Variants in EGFR observed in about 807,000 individuals in gnomAD.
EGFR encodes the protein avian erythroblastic leukemia viral (v-erb-b) oncogene homolog.
In EGFR, 58 loss-of-function variants were observed where a neutral mutation model predicts 143.0. That is an observed-to-expected ratio of 0.41 (90% CI 0.33 to 0.50). The LOEUF (loss-of-function observed/expected upper bound fraction) is 0.50. EGFR is among the 20% of genes least tolerant of loss of function. The pLI, the probability that EGFR is intolerant of heterozygous loss-of-function variation, is 0.39. For missense variants in EGFR, 1,307 were observed against 1,579.0 expected, an observed-to-expected ratio of 0.83 and a Z score of 2.92; for synonymous variants, 613 against 594.4, an observed-to-expected ratio of 1.03 and a Z score of -0.45.
At chr7:55,091,450 G>T (rs532924844) in intron 1 of EGFR, among the ~76,000 whole-genome samples, 2 of 152,300 alleles carry the variant, frequency 1.3e-5, no homozygotes, top group South Asian at 2.1e-4. Flanking sequence ...GGTGGCGGGG[G>T]CCACATCTGG....
At chr7:55,022,386 T>C (rs1169846338) in intron 1 of EGFR, among the ~76,000 whole-genome samples, 1 of 152,090 alleles carries the variant, frequency 6.6e-6, no homozygotes, top group Admixed American at 6.5e-5. Context: ...GGGATATTAA[T>C]GGTATCCAAA....
In EGFR at chr7:55,165,275, T is replaced by G. The variant is rs1476003950; in HGVS notation, c.1723-5T>G. ...GCATGAACATTTTTCTCCACCTTGG[T>G]GCAGGGACCAGACAACTGTATCCAG... On this transcript the variant is annotated splice_polypyrimidine_tract_variant and splice_region_variant and intron_variant, in intron 14 of 27. Transcript: ENST00000275493. 6.2e-7 allele frequency: 1 copy of G among 1,614,018 alleles called. No individual in the cohort carries two copies. Among genetic ancestry groups the G allele is most frequent in the Non-Finnish European group, 8.5e-7 (1 of 1,180,036 alleles).
chr7:55,167,404 G>T (rs1786099502), intron 15 of EGFR, among the ~76,000 whole-genome samples: 2 of 145,666 alleles, frequency 1.4e-5, no homozygotes, highest in African/African-American at 5.2e-5. Context: ...AGTCACAGTG[G>T]TGGTGGTGAT....
chr7:55,058,511 G>A (rs533398911), intron 1 of EGFR, among the ~76,000 whole-genome samples: 5 of 152,234 alleles, frequency 3.3e-5, no homozygotes, highest in Admixed American at 2.6e-4. Flanking sequence ...TATATACCAC[G>A]AAATACTATG....
Position 55,200,521 on chromosome 7 carries a change from A to G in EGFR, c.2946+108A>G, listed in dbSNP as rs546160618. 1.2e-4 allele frequency: 134 copies of G among 1,116,254 alleles called. 1 individual carries two copies. In the African/African-American group the frequency reaches 2.0e-3, roughly 17 times the overall value. The allele number at this position is 1,116,254 out of a possible 1,614,324, so 69.1% of individuals were successfully genotyped here. A position where few individuals can be genotyped will look rare whatever the true frequency, so the allele number is the denominator to read the frequency against. On this transcript the variant is annotated intron_variant, in intron 24 of 27. Transcript: ENST00000275493. ...CTGGCCTCCCTGTGTCCCAGATCGC[A>G]TTATTAAACCCTCCAGCGCATTAGA...
chr7:55,130,327 G>A (rs994675177), intron 1 of EGFR, among the ~76,000 whole-genome samples: 1 of 152,226 alleles, frequency 6.6e-6, no homozygotes, highest in Non-Finnish European at 1.5e-5. Flanking sequence ...AGAAACAGGA[G>A]TGCGGCCCTA....
At chr7:55,163,038 C>G (rs113517731) in intron 13 of EGFR, among the ~76,000 whole-genome samples, 1 of 152,146 alleles carries the variant, frequency 6.6e-6, no homozygotes, top group South Asian at 2.1e-4. Context: ...GTGATCTGCC[C>G]GCCTCGGCCT....
intron 22 of EGFR, 28 bp from the exon 23 acceptor site, chr7:55,198,689 G>A (rs759515685): frequency 6.2e-7 from 1 of 1,614,072 alleles, no homozygotes. Flanking sequence ...TGATCCCACT[G>A]CCTTCTTTTC....
At position 55,205,562 on chromosome 7, in the gene EGFR, A is replaced by G. The variant is rs2128975606; in HGVS notation, c.3578A>G (p.Glu1193Gly). 3 of 1,614,200 alleles carry G rather than the reference A, an allele frequency of 1.9e-6. No individual in the cohort carries two copies. Among genetic ancestry groups the G allele is most frequent in the Non-Finnish European group, 2.5e-6 (3 of 1,180,034 alleles). Residue 1193 changes from glutamate to glycine, a missense_variant, in exon 28 of 28, where the codon GAA (glutamate) becomes GGA (glycine). By Grantham distance (98) the Glu-to-Gly change is moderately conservative. Coordinates refer to ENST00000275493, the MANE Select transcript of EGFR (RefSeq NM_005228.5). ...GGCATCTTTAAGGGCTCCACAGCTG[A>G]AAATGCAGAATACCTAAGGGTCGCG... ...PNGIFKGSTA[E>G]NAEYLRVAPQ...
intron 1 of EGFR, among the ~76,000 whole-genome samples, chr7:55,078,475 G>C (rs1246830716): frequency 1.6e-4 from 24 of 152,186 alleles, no homozygotes; most frequent in Admixed American, 1.4e-3. Context: ...GGGATGCCTC[G>C]GTGCATAGGG....
intron 1 of EGFR, among the ~76,000 whole-genome samples, chr7:55,083,180 A>T (rs1790558214): frequency 6.6e-6 from 1 of 152,262 alleles, no homozygotes; most frequent in Admixed American, 6.5e-5. Context: ...TACCTTATTG[A>T]ACAATCCAAC....
At chr7:55,041,793 T>C (rs957252803) in intron 1 of EGFR, among the ~76,000 whole-genome samples, 1 of 152,246 alleles carries the variant, frequency 6.6e-6, no homozygotes, top group African/African-American at 2.4e-5. Context: ...AGTGTTTTCT[T>C]ACTTATTTTA....
In EGFR at chr7:55,173,926, G is replaced by A. The variant is rs2128953496; in HGVS notation, c.2067G>A (p.Val689=). 1 of 1,614,222 alleles carries A rather than the reference G, an allele frequency of 6.2e-7. No individual in the cohort carries two copies. The highest frequency in any genetic ancestry group is 8.5e-7 in the Non-Finnish European group (1 of 1,180,032). ...TGTGTTCTTGTCCCCCCCAGCTTGT[G>A]GAGCCTCTTACACCCAGTGGAGAAG... The part of the protein sequence containing the change: ...LRRLLQEREL[V]EPLTPSGEAP... Residue 689 remains valine (V), a synonymous_variant, in exon 18 of 28, where the codon GTG becomes GTA. Transcript: ENST00000275493.
At position 55,173,014 on chromosome 7, in the gene EGFR, G is replaced by T; in HGVS notation, c.1951G>T (p.Val651Leu). 1 of 1,614,166 alleles carries T rather than the reference G, an allele frequency of 6.2e-7. No homozygotes were observed. Among genetic ancestry groups the T allele is most frequent in the African/African-American group, 1.3e-5 (1 of 75,058 alleles). Reference protein sequence around the residue: ...PKIPSIATGMVGALLLLLVVA... With the variant: ...PKIPSIATGMLGALLLLLVVA... ...GATCCCGTCCATCGCCACTGGGATG[G>T]TGGGGGCCCTCCTCTTGCTGCTGGT... is the stretch of plus-strand genomic sequence containing the variant. The change falls in exon 17 of 28, where the codon GTG becomes TTG. Residue 651 changes from valine (V) to leucine (L), a missense_variant. This residue lies in a region of EGFR where 348 missense variants were observed against 451.5 expected (regional missense o/e 0.77). Coordinates refer to ENST00000275493, the MANE Select transcript of EGFR (RefSeq NM_005228.5).
chr7:55,181,365 G>A lies in EGFR; in HGVS notation c.2356G>A (p.Val786Met), dbSNP rs762672864. ...GCTGGGCATCTGCCTCACCTCCACC[G>A]TGCAGCTCATCACGCAGCTCATGCC... is the stretch of plus-strand genomic sequence containing the variant. ...RLLGICLTSTVQLITQLMPFG... is the reference protein window; with the variant it reads ...RLLGICLTSTMQLITQLMPFG... The change falls in exon 20 of 28, where the codon GTG becomes ATG. Residue 786 changes from valine (V) to methionine (M), a missense_variant. Transcript: ENST00000275493. 2.3e-5 allele frequency: 37 copies of A among 1,614,062 alleles called. No individual in the cohort carries two copies. The highest frequency in any genetic ancestry group is 8.9e-5 in the East Asian group (4 of 44,884).
intron 17 of EGFR, 64 bp downstream of exon 17, chr7:55,173,188 C>T (rs761847148): frequency 9.7e-5 from 154 of 1,592,912 alleles, no homozygotes; most frequent in South Asian, 4.7e-4. Context: ...GGGCCAGCCC[C>T]GAGAACGGGC....
chr7:55,167,425 A>C, intron 15 of EGFR, among the ~76,000 whole-genome samples: 1 of 144,974 alleles, frequency 6.9e-6, no homozygotes, highest in Non-Finnish European at 1.5e-5. Context: ...GAGGGTGGTG[A>C]TGGTGATGAG....
intron 21 of EGFR, among the ~76,000 whole-genome samples, chr7:55,192,255 C>G (rs17337331): frequency 0.25 from 37,466 of 152,094 alleles, 5,934 homozygotes; most frequent in East Asian, 0.77. Flanking sequence ...CCATGCGGAC[C>G]CGAGCTCCCA....
chr7:55,041,223 G>A (rs1335714764), intron 1 of EGFR, among the ~76,000 whole-genome samples: 1 of 152,194 alleles, frequency 6.6e-6, no homozygotes, highest in East Asian at 1.9e-4. Flanking sequence ...GACCAGCCTG[G>A]CCAACATGGC....
Sources: gnomAD v4.1 joint callset for allele counts (sites outside exome capture counted in the v4.1 genomes callset) on GRCh38, gnomAD v4.1.1 for gene constraint, gnomAD v4.1.1 regional missense constraint, MANE v1.5 for transcripts, NCBI Gene and HGNC (gene_info 2026-07-23, HGNC 2026-07-21) for gene names.